The following RBBP7 variants were observed in gnomAD, a reference collection of about 807,000 sequenced individuals.
RBBP7 encodes the protein RB binding protein 7, chromatin remodeling factor, also known as histone-binding protein RBBP7.
Under a neutral mutation model 35.2 loss-of-function variants are expected in RBBP7, and 5 were observed. The ratio of observed to expected loss-of-function variants is 0.14; its 90% CI spans 0.07 to 0.30. The LOEUF (loss-of-function observed/expected upper bound fraction) is 0.30. RBBP7 is among the 10% of genes least tolerant of loss of function. The pLI is 1.00. For synonymous variants in RBBP7, 140 were observed against 118.7 expected, an observed-to-expected ratio of 1.18 and a Z score of -1.17; for missense variants, 155 against 327.5, an observed-to-expected ratio of 0.47 and a Z score of 4.07.
chrX:16,870,312 TC>T lies in RBBP7; in HGVS notation c.-260del. 1 of 230,267 alleles carries T rather than the reference TC, an allele frequency of 4.3e-6. No individual in the cohort carries two copies. Among genetic ancestry groups the T allele is most frequent in the Non-Finnish European group, 6.8e-6 (1 of 146,678 alleles). The allele number at this position is 230,267 out of a possible 1,213,427, so 19.0% of individuals were successfully genotyped here. A position where few individuals can be genotyped will look rare whatever the true frequency, so the allele number is the denominator to read the frequency against. ...GGAACGAGACTTTTCAACCCGCGCC[TC>T]CCAGCCCGCCCAGGCAGCTGAGCGC... On this transcript the variant is annotated 5_prime_UTR_variant, in exon 1 of 12. An upstream open reading frame in the 5' UTR loses its in-frame stop. Transcript: ENST00000380087.
intron 9 of RBBP7, among the ~76,000 whole-genome samples, chrX:16,850,788 C>T (rs1475461491): frequency 8.9e-6 from 1 of 112,172 alleles, no homozygotes; most frequent in Admixed American, 9.5e-5. Flanking sequence ...ACTTTAAGCA[C>T]CACGTGACAC....
Position 16,869,686 on chromosome X carries a change from G to A in RBBP7, c.16+352C>T, listed in dbSNP as rs1930724491. 6.7e-6 allele frequency: 7 copies of A among 1,043,830 alleles called. No individual in the cohort carries two copies. In the African/African-American group the frequency reaches 7.9e-5, roughly 12 times the overall value. 86.0% of individuals were successfully genotyped at this position (1,043,830 alleles called of 1,213,427 possible). On this transcript the variant is annotated intron_variant, in intron 1 of 11. Transcript: ENST00000380087. ...ACCCCCGGACAAGGGCCGCGACCCC[G>A]AGGCGGTCAACGCGCGCGCGCGCGT...
intron 3 of RBBP7, among the ~76,000 whole-genome samples, chrX:16,862,114 C>CTGCAAACT (rs1569062572): frequency 9.0e-6 from 1 of 111,235 alleles, no homozygotes; most frequent in East Asian, 2.8e-4. Flanking sequence ...CACACATGTC[C>CTGCAAACT]CTGCAGTTTG....
chrX:16,864,568 G>C (rs947987135), intron 2 of RBBP7, among the ~76,000 whole-genome samples: 1 of 106,476 alleles, frequency 9.4e-6, no homozygotes, highest in African/African-American at 3.5e-5. Context: ...GAAAACATGG[G>C]TCTTGGTTGA....
At chrX:16,856,716 T>C (rs2147520581) in intron 5 of RBBP7, among the ~76,000 whole-genome samples, 1 of 111,818 alleles carries the variant, frequency 8.9e-6, no homozygotes, top group South Asian at 3.7e-4. Context: ...CTTGTGGAAA[T>C]GTAAAATGGA....
At chrX:16,869,712 A>G in intron 1 of RBBP7, 1 of 997,812 alleles carries the variant, frequency 1.0e-6, no homozygotes, top group Non-Finnish European at 1.3e-6. Context: ...GCGCGCGCGT[A>G]GAAAGAGCCG....
chrX:16,862,485 CTTAAT>C lies in RBBP7; in HGVS notation c.307+465_307+469del, dbSNP rs1378282055. Among the ~76,000 whole-genome samples, 8 of 111,110 alleles carry C rather than the reference CTTAAT, an allele frequency of 7.2e-5. No individual in the cohort carries two copies. In the South Asian group the frequency reaches 1.9e-3, roughly 27 times the overall value. On this transcript the variant is annotated intron_variant, in intron 3 of 11. Transcript: ENST00000380087. ...TGTAATTACACATAGCAGTTAGTCA[CTTAAT>C]TTATCTTGGATACCTTCCTATACCA...
At chrX:16,845,352 C>G (rs1182286682) in intron 11 of RBBP7, among the ~76,000 whole-genome samples, 1 of 112,155 alleles carries the variant, frequency 8.9e-6, no homozygotes, top group Non-Finnish European at 1.9e-5. Flanking sequence ...GAGATGTTTT[C>G]CAAAGGCACT....
chrX:16,855,740 T>C (rs1263097416), intron 5 of RBBP7, among the ~76,000 whole-genome samples: 1 of 110,768 alleles, frequency 9.0e-6, no homozygotes, highest in East Asian at 2.8e-4. Context: ...AGAGAGCCTA[T>C]AATCCCAGCT....
chrX:16,858,681 T>C lies in RBBP7; in HGVS notation c.476A>G (p.Lys159Arg), dbSNP rs1219220658. Residue 159 changes from lysine (K) to arginine (R), a missense_variant, in exon 4 of 12, where the codon AAA becomes AGA. This residue lies in a region of RBBP7 where 79 missense variants were observed against 220.8 expected (regional missense o/e 0.36). Transcript: ENST00000380087. ...LVFDYTKHPA[K>R]PDPSGECNPD... is the part of the protein sequence containing the mutation. ...CTAACTCTATTATTACATACCTGGTTTAGCAGGGTGTTTTGTATAGTCAAA... is the reference window on the plus strand; with the variant it reads ...CTAACTCTATTATTACATACCTGGTCTAGCAGGGTGTTTTGTATAGTCAAA... 3 of 1,208,900 alleles carry C rather than the reference T, an allele frequency of 2.5e-6. No individual in the cohort carries two copies. The Admixed American group carries it at 6.6e-5, about 26-fold the overall frequency.
intron 10 of RBBP7, 175 bp from the exon 11 acceptor site, chrX:16,846,113 C>T (rs1383248129): frequency 5.2e-6 from 4 of 775,595 alleles, no homozygotes; most frequent in Non-Finnish European, 7.0e-6. Flanking sequence ...ATTTCCAAAC[C>T]TCCAGAATAG....
chrX:16,849,562 G>C (rs1388282581), intron 9 of RBBP7, among the ~76,000 whole-genome samples: 1 of 111,410 alleles, frequency 9.0e-6, no homozygotes, highest in Admixed American at 9.6e-5. Context: ...GCTCAAAAGC[G>C]ATCCTCTCGC....
intron 5 of RBBP7, 71 bp from the exon 6 acceptor site, chrX:16,853,913 G>T (rs754451837): frequency 2.3e-6 from 2 of 883,321 alleles, no homozygotes; most frequent in South Asian, 8.8e-5. Context: ...TTTCCCTCGA[G>T]ACAGTGTCTC....
intron 2 of RBBP7, among the ~76,000 whole-genome samples, chrX:16,863,642 C>T (rs781703977): frequency 2.7e-5 from 3 of 112,488 alleles, no homozygotes; most frequent in Non-Finnish European, 5.6e-5. Context: ...AACACAACCT[C>T]CCTGGGGCCT....
At chrX:16,867,140 C>T (rs748927060) in intron 2 of RBBP7, among the ~76,000 whole-genome samples, 14 of 111,603 alleles carry the variant, frequency 1.3e-4, no homozygotes, top group Admixed American at 1.2e-3. Context: ...CACCACTTAC[C>T]GTGTACTTAT....
chrX:16,862,209 T>C (rs939809613), intron 3 of RBBP7, among the ~76,000 whole-genome samples: 2 of 112,355 alleles, frequency 1.8e-5, no homozygotes, highest in Non-Finnish European at 3.8e-5. Flanking sequence ...TTTTTCCTGC[T>C]GCTTTTGTGT....
Position 16,863,069 on chromosome X carries a change from G to C in RBBP7, c.193C>G (p.Leu65Val), listed in dbSNP as rs1157257861. The C allele has an allele frequency of 4.1e-6, 5 of 1,208,573 alleles. No homozygotes were observed. The highest frequency in any genetic ancestry group is 1.8e-5 in the African/African-American group (1 of 57,074). ...TCAGACGTATGAGTCCCCAGCACTA[G>C]CCAATGAAGGGCATAATCTTTTCCT... ...PEGKDYALHW[L>V]VLGTHTSDEQ... The change falls in exon 3 of 12, where the codon CTA (leucine) becomes GTA (valine). Residue 65 changes from leucine to valine, a missense_variant. Leu to Val is a conservative substitution (Grantham distance 32). Around this residue, in one of 3 missense-constraint regions of RBBP7, gnomAD observed 59 missense variants for 90.4 expected, o/e 0.65. Transcript: ENST00000380087.
Position 16,853,753 on chromosome X carries a change from T to C in RBBP7, c.687A>G (p.Val229=). The change falls in exon 6 of 12, where the codon GTA becomes GTG. Residue 229 remains valine (V), a synonymous_variant. Coordinates refer to ENST00000380087, the MANE Select transcript of RBBP7 (RefSeq NM_002893.4). ...KAIFTGHSAV[V]EDVAWHLLHE... ...GCAGCAGGTGCCAGGCCACATCCTC[T>C]ACAACAGCTGAGTGGCCAGTAAAGA... 7.5e-6 allele frequency: 9 copies of C among 1,193,017 alleles called. No individual in the cohort carries two copies. The highest frequency in any genetic ancestry group is 1.0e-5 in the Non-Finnish European group (9 of 887,420).
At chrX:16,861,016 A>T (rs1309697645) in intron 3 of RBBP7, among the ~76,000 whole-genome samples, 1 of 111,229 alleles carries the variant, frequency 9.0e-6, no homozygotes, top group Non-Finnish European at 1.9e-5. Context: ...TCTACTAAAA[A>T]TACAAAAATT....
Sources: allele counts gnomAD v4.1 joint callset (sites outside exome capture counted in the v4.1 genomes callset), GRCh38; gene constraint gnomAD v4.1.1; regional missense constraint gnomAD v4.1.1; transcripts MANE v1.5; gene names NCBI Gene and HGNC (gene_info 2026-07-23, HGNC 2026-07-21).